Variants in CACNA2D3 observed in about 807,000 individuals in gnomAD.
The protein encoded by CACNA2D3 is calcium voltage-gated channel auxiliary subunit alpha2delta 3.
In CACNA2D3, 60 loss-of-function variants were observed where a neutral mutation model predicts 160.6. That is an observed-to-expected ratio of 0.37 (90% CI 0.30 to 0.46). The LOEUF (loss-of-function observed/expected upper bound fraction) is 0.46, where lower values mean the gene tolerates loss of function less well. Ranked by LOEUF, CACNA2D3 falls within the 20% of genes least tolerant of loss-of-function variation. The pLI is 1.00. For synonymous variants in CACNA2D3, 558 were observed against 492.9 expected, an observed-to-expected ratio of 1.13 and a Z score of -1.75; for missense variants, 1,205 against 1,365.0, an observed-to-expected ratio of 0.88 and a Z score of 1.85.
intron 11 of CACNA2D3, among the ~76,000 whole-genome samples, chr3:54,718,562 T>C (rs1467261652): frequency 6.6e-6 from 1 of 152,114 alleles, no homozygotes; most frequent in African/African-American, 2.4e-5. Context: ...GTTTGTACTC[T>C]GTTTTAATTA....
intron 5 of CACNA2D3, among the ~76,000 whole-genome samples, chr3:54,519,889 CACA>C (rs1490805199): frequency 2.0e-5 from 3 of 152,334 alleles, no homozygotes; most frequent in African/African-American, 4.8e-5. Flanking sequence ...GGTTGAAAAG[CACA>C]ACATTACGCT....
At chr3:54,276,400 C>G (rs1575361161) in intron 2 of CACNA2D3, among the ~76,000 whole-genome samples, 1 of 152,004 alleles carries the variant, frequency 6.6e-6, no homozygotes, top group Non-Finnish European at 1.5e-5. Context: ...GAAACCCTGT[C>G]TCTACTAAAA....
chr3:54,946,577 G>C (rs1288289622), intron 27 of CACNA2D3, among the ~76,000 whole-genome samples: 2 of 152,164 alleles, frequency 1.3e-5, no homozygotes, highest in South Asian at 4.1e-4. Context: ...TAACGAAGAA[G>C]AGCAGGTTAC....
chr3:55,065,862 C>G (rs1422375766), intron 35 of CACNA2D3, among the ~76,000 whole-genome samples: 1 of 152,144 alleles, frequency 6.6e-6, no homozygotes. Flanking sequence ...CTGTGGCATG[C>G]TATGTTGCTT....
At chr3:54,474,705 A>G (rs1284129386) in intron 4 of CACNA2D3, among the ~76,000 whole-genome samples, 1 of 152,138 alleles carries the variant, frequency 6.6e-6, no homozygotes, top group African/African-American at 2.4e-5. Flanking sequence ...TGAGACCATC[A>G]GGAACAAACA....
chr3:54,446,910 C>T (rs1259858966), intron 4 of CACNA2D3, among the ~76,000 whole-genome samples: 3 of 152,194 alleles, frequency 2.0e-5, no homozygotes, highest in Non-Finnish European at 1.5e-5. Context: ...CTGAACTCTC[C>T]AGCTCTCCGA....
chr3:54,391,404 A>C (rs1699277459), intron 4 of CACNA2D3, among the ~76,000 whole-genome samples: 1 of 152,202 alleles, frequency 6.6e-6, no homozygotes. Context: ...GGCAAAATGC[A>C]GCTCCTGAAG....
At chr3:54,508,958 T>C (rs1161262451) in intron 5 of CACNA2D3, among the ~76,000 whole-genome samples, 1 of 152,216 alleles carries the variant, frequency 6.6e-6, no homozygotes, top group Non-Finnish European at 1.5e-5. Context: ...TGAGATGGCA[T>C]TGGGTCCCCT....
chr3:54,197,314 G>A (rs1157176191), intron 2 of CACNA2D3: 2 of 152,308 alleles, frequency 1.3e-5, no homozygotes, highest in African/African-American at 2.4e-5. Context: ...TGGAGAAGTC[G>A]AGGCTTGGGG....
rs1701863776 is a variant in CACNA2D3 at position 54,235,873 on chromosome 3, A to C, written c.205-84569A>C. Among the ~76,000 whole-genome samples, 3 of 152,288 alleles carry C rather than the reference A, an allele frequency of 2.0e-5. No homozygotes were observed. In the South Asian group the frequency reaches 6.2e-4, roughly 32 times the overall value. ...TGGCTGTGCATAGTGACTTTCTTTC[A>C]AAGAGTACAGCATGGAAAGGAAGGG... On this transcript the variant is annotated intron_variant, in intron 2 of 37. Coordinates refer to ENST00000474759, the MANE Select transcript of CACNA2D3 (RefSeq NM_018398.3).
chr3:54,734,202 C>G (rs951419421), intron 11 of CACNA2D3, among the ~76,000 whole-genome samples: 7 of 152,124 alleles, frequency 4.6e-5, no homozygotes, highest in African/African-American at 1.7e-4. Flanking sequence ...CTGACTTTGC[C>G]ATAGGCTGAT....
At chr3:54,932,033 T>A (rs1301743847) in intron 27 of CACNA2D3, among the ~76,000 whole-genome samples, 1 of 151,844 alleles carries the variant, frequency 6.6e-6, no homozygotes, top group East Asian at 1.9e-4. Context: ...ATACAAAAAA[T>A]TAGCTGGGTG....
intron 3 of CACNA2D3, among the ~76,000 whole-genome samples, chr3:54,322,693 A>G (rs1176034628): frequency 6.6e-6 from 1 of 152,156 alleles, no homozygotes; most frequent in Non-Finnish European, 1.5e-5. Context: ...ATCTGTGAAC[A>G]TCTGATAGGA....
chr3:54,564,801 T>C (rs1702383346), intron 6 of CACNA2D3, among the ~76,000 whole-genome samples: 1 of 152,210 alleles, frequency 6.6e-6, no homozygotes, highest in Non-Finnish European at 1.5e-5. Context: ...TCGTGGATTT[T>C]GTTTGCAAGG....
At chr3:54,946,003 C>T (rs1701605143) in intron 27 of CACNA2D3, among the ~76,000 whole-genome samples, 1 of 152,204 alleles carries the variant, frequency 6.6e-6, no homozygotes, top group South Asian at 2.1e-4. Flanking sequence ...TAGCTCTTTC[C>T]AAACAGCAGG....
In CACNA2D3 at chr3:54,891,330, C is replaced by G. The variant is rs753986874; in HGVS notation, c.2151-25C>G. The G allele has an allele frequency of 3.2e-6, 5 of 1,570,900 alleles. No homozygotes were observed. The African/African-American group carries it at 4.0e-5, about 13-fold the overall frequency. On this transcript the variant is annotated intron_variant, in intron 24 of 37. Coordinates refer to ENST00000474759, the MANE Select transcript of CACNA2D3 (RefSeq NM_018398.3). The stretch of plus-strand genomic sequence containing the variant: ...TCTGCTTACTGTCTAGAGGCCTCCC[C>G]CTGACGTCTGTTGTTCTGTTTCAGA...
At chr3:54,696,295 G>A (rs775789431) in intron 11 of CACNA2D3, among the ~76,000 whole-genome samples, 2 of 152,190 alleles carry the variant, frequency 1.3e-5, no homozygotes, top group Non-Finnish European at 2.9e-5. Flanking sequence ...GGGCTGGAAG[G>A]TCCCCCCATT....
intron 3 of CACNA2D3, among the ~76,000 whole-genome samples, chr3:54,333,161 G>A (rs1704302394): frequency 1.3e-5 from 2 of 152,078 alleles, no homozygotes; most frequent in South Asian, 4.2e-4. Context: ...GAGGGGCATG[G>A]TGTGGTGGAA....
chr3:54,208,438 C>T (rs1014396839), intron 2 of CACNA2D3, among the ~76,000 whole-genome samples: 6 of 152,178 alleles, frequency 3.9e-5, no homozygotes, highest in African/African-American at 9.7e-5. Flanking sequence ...GGGTTTGCTT[C>T]AGGTACCTGC....
Sources: allele counts gnomAD v4.1 joint callset (sites outside exome capture counted in the v4.1 genomes callset), GRCh38; gene constraint gnomAD v4.1.1; transcripts MANE v1.5; gene names NCBI Gene and HGNC (gene_info 2026-07-23, HGNC 2026-07-21).